CD99L2: variants seen among roughly 807,000 people sequenced by gnomAD.
CD99L2 encodes the protein CD99 antigen-like protein 2.
In CD99L2, 24 loss-of-function variants were observed where a neutral mutation model predicts 27.3. The ratio of observed to expected loss-of-function variants is 0.88; its 90% confidence interval spans 0.64 to 1.24. CD99L2 has a LOEUF of 1.24. Ranked by LOEUF, CD99L2 falls within the 50% of genes most tolerant of loss-of-function variation. The pLI is 0.00. For missense variants in CD99L2, 255 were observed against 221.6 expected (o/e 1.15, Z -0.96); for synonymous variants, 97 against 87.9 (o/e 1.10, Z -0.58).
Position 150,795,197 on chromosome X carries a change from G to A in CD99L2, c.430+9C>T. The stretch of plus-strand genomic sequence containing the variant: ...TTAATGAGACAGAACCAGACCAGGT[G>A]GGACTCACCTCCTCCTCCAGCAATT... On this transcript the variant is annotated intron_variant, in intron 6 of 10. Coordinates refer to ENST00000370377, the MANE Select transcript of CD99L2 (RefSeq NM_031462.4). 2.5e-6 allele frequency: 3 copies of A among 1,209,778 alleles called. No homozygotes were observed. The highest frequency in any genetic ancestry group is 3.4e-6 in the Non-Finnish European group (3 of 893,960).
chrX:150,792,988 T>TG (rs1156236260), intron 7 of CD99L2, among the ~76,000 whole-genome samples: 3 of 112,063 alleles, frequency 2.7e-5, no homozygotes, highest in Non-Finnish European at 5.6e-5. Flanking sequence ...GGAACAGTTC[T>TG]GCCTGCTAAT....
chrX:150,778,693 T>A (rs1348572706), intron 7 of CD99L2, among the ~76,000 whole-genome samples: 43 of 93,690 alleles, frequency 4.6e-4, no homozygotes, highest in Non-Finnish European at 6.0e-4. Context: ...AAAATATATA[T>A]ATATATATAT....
At chrX:150,810,162 G>C (rs564275285) in intron 4 of CD99L2, among the ~76,000 whole-genome samples, 3 of 111,833 alleles carry the variant, frequency 2.7e-5, no homozygotes, top group Non-Finnish European at 3.8e-5. Context: ...TTTGCATTCC[G>C]CTCAAAGGCA....
intron 1 of CD99L2, among the ~76,000 whole-genome samples, chrX:150,870,007 A>C (rs782377713): frequency 6.3e-5 from 7 of 111,467 alleles, no homozygotes; most frequent in Non-Finnish European, 1.1e-4. Flanking sequence ...TAGCAAAAAC[A>C]ACCTTTGCTA....
chrX:150,829,119 T>C (rs945850991), intron 2 of CD99L2: 2 of 118,472 alleles, frequency 1.7e-5, no homozygotes, highest in Admixed American at 1.8e-4. Context: ...ACTCAGACAT[T>C]TACTGAATGC....
intron 1 of CD99L2, among the ~76,000 whole-genome samples, chrX:150,848,110 G>GC (rs1557421504): frequency 2.2e-5 from 2 of 92,440 alleles, no homozygotes; most frequent in East Asian, 6.6e-4. Flanking sequence ...ATGGCCTGCA[G>GC]GCCCCCCCCC....
chrX:150,830,745 T>C (rs782603722), intron 2 of CD99L2, among the ~76,000 whole-genome samples: 1 of 111,754 alleles, frequency 8.9e-6, no homozygotes, highest in Non-Finnish European at 1.9e-5. Flanking sequence ...TTGTTAGGTA[T>C]TCTTAACAAA....
intron 4 of CD99L2, among the ~76,000 whole-genome samples, chrX:150,801,119 AAAAGG>A (rs2045899295): frequency 9.0e-6 from 1 of 111,438 alleles, no homozygotes; most frequent in Non-Finnish European, 1.9e-5. Flanking sequence ...CAAACATTTA[AAAAGG>A]AATTATCACC....
chrX:150,768,786 A>G lies in CD99L2; in HGVS notation c.*248T>C, dbSNP rs1248198371. On this transcript the variant is annotated 3_prime_UTR_variant, in exon 11 of 11. Transcript: ENST00000370377. ...TGGCTTTGGGAGTTGGTGGCTCAGC[A>G]GCTCCCGAGGCTGGTGCTGGCTTTC... 1.5e-6 allele frequency: 1 copy of G among 672,751 alleles called. No individual in the cohort carries two copies. The highest frequency in any genetic ancestry group is 2.0e-6 in the Non-Finnish European group (1 of 507,489). 55.4% of individuals were successfully genotyped at this position (672,751 alleles called of 1,213,427 possible).
Position 150,777,352 on chromosome X carries a change from C to T in CD99L2, c.535+92G>A, listed in dbSNP as rs781832297. 9.2e-6 allele frequency: 10 copies of T among 1,087,619 alleles called. No homozygotes were observed. The East Asian group carries it at 2.7e-4, about 30-fold the overall frequency. 89.6% of individuals were successfully genotyped at this position (1,087,619 alleles called of 1,213,427 possible). On this transcript the variant is annotated intron_variant, in intron 8 of 10. Coordinates refer to ENST00000370377, the MANE Select transcript of CD99L2 (RefSeq NM_031462.4). Reference sequence around the variant, plus strand: ...CACGTTTGCCTGATGCAGTTTCTAGCTTGACTTTTCCCTTGGCTTAGTGAT... The same window carrying T: ...CACGTTTGCCTGATGCAGTTTCTAGTTTGACTTTTCCCTTGGCTTAGTGAT...
At position 150,808,132 on chromosome X, in the gene CD99L2, A is replaced by G. The variant is rs189071468; in HGVS notation, c.277+6730T>C. Among the ~76,000 whole-genome samples, 4 of 112,487 alleles carry G rather than the reference A, an allele frequency of 3.6e-5. No individual in the cohort carries two copies. The East Asian group carries it at 1.1e-3, about 31-fold the overall frequency. On this transcript the variant is annotated intron_variant, in intron 4 of 10. Transcript: ENST00000370377. ...GAAAAGGTGTAGCTTCATACAACAAAAGACATCTAAAGCAACCTTCCTGCC... is the reference window on the plus strand; with the variant it reads ...GAAAAGGTGTAGCTTCATACAACAAGAGACATCTAAAGCAACCTTCCTGCC...
At chrX:150,827,849 A>C (rs2046388780) in intron 2 of CD99L2, among the ~76,000 whole-genome samples, 1 of 111,830 alleles carries the variant, frequency 8.9e-6, no homozygotes, top group Non-Finnish European at 1.9e-5. Context: ...ATTCTTTTGC[A>C]TGTAGATATC....
chrX:150,809,324 T>G (rs2046040818), intron 4 of CD99L2, among the ~76,000 whole-genome samples: 1 of 111,759 alleles, frequency 8.9e-6, no homozygotes, highest in Non-Finnish European at 1.9e-5. Context: ...CCAGATGACA[T>G]CTGAATTGCA....
At chrX:150,793,203 A>G (rs1276828179) in intron 7 of CD99L2, among the ~76,000 whole-genome samples, 1 of 112,250 alleles carries the variant, frequency 8.9e-6, no homozygotes, top group African/African-American at 3.2e-5. Flanking sequence ...AAGTATACAC[A>G]TGAACTCTCT....
intron 4 of CD99L2, among the ~76,000 whole-genome samples, chrX:150,808,860 G>A (rs149854862): frequency 0.09 from 9,972 of 110,765 alleles, 441 homozygotes; most frequent in South Asian, 0.16. Context: ...CGCGAGTTCC[G>A]TGATTATCCT....
rs1397401993 is a variant in CD99L2 at position 150,771,786 on chromosome X, G to T, written c.656-1417C>A. 5 of 1,153,606 alleles carry T rather than the reference G, an allele frequency of 4.3e-6. No individual in the cohort carries two copies. In the African/African-American group the frequency reaches 8.9e-5, roughly 21 times the overall value. ...AAGGCTGAAGCAAAAGGAAAGTGAG[G>T]AAGGCAAAGCAGCGTTACCTTGACC... is the stretch of plus-strand genomic sequence containing the variant. On this transcript the variant is annotated intron_variant, in intron 9 of 10. Coordinates refer to ENST00000370377, the MANE Select transcript of CD99L2 (RefSeq NM_031462.4).
At chrX:150,769,316 C>T (rs1305088790) in intron 10 of CD99L2, among the ~76,000 whole-genome samples, 1 of 111,959 alleles carries the variant, frequency 8.9e-6, no homozygotes, top group African/African-American at 3.3e-5. Flanking sequence ...ACAGCTCAGC[C>T]TCCATCTCCT....
At chrX:150,878,880 T>C (rs2047277392) in intron 1 of CD99L2, among the ~76,000 whole-genome samples, 3 of 112,232 alleles carry the variant, frequency 2.7e-5, no homozygotes, top group South Asian at 3.7e-4. Flanking sequence ...TTGGGGTCCA[T>C]TATTTGGATA....
chrX:150,800,569 G>C (rs1557420055), intron 4 of CD99L2, among the ~76,000 whole-genome samples: 1 of 111,576 alleles, frequency 9.0e-6, no homozygotes. Context: ...CAAATACTAT[G>C]CCATTTCATA....
Sources: allele counts gnomAD v4.1 joint callset (sites outside exome capture counted in the v4.1 genomes callset), GRCh38; gene constraint gnomAD v4.1.1; transcripts MANE v1.5; gene names NCBI Gene and HGNC (gene_info 2026-07-23, HGNC 2026-07-21).